Variants in CACNA2D3 observed in about 807,000 individuals in gnomAD.
CACNA2D3 encodes calcium voltage-gated channel auxiliary subunit alpha2delta 3, also known as voltage-dependent calcium channel subunit alpha-2/delta-3.
A neutral mutation model predicts 160.6 loss-of-function variants in CACNA2D3; 60 were observed. The ratio of observed to expected loss-of-function variants is 0.37; its 90% confidence interval spans 0.30 to 0.46. The LOEUF is 0.46. CACNA2D3 is among the 20% of genes least tolerant of loss of function. The pLI, the probability that CACNA2D3 is intolerant of heterozygous loss-of-function variation, is 1.00. For synonymous variants in CACNA2D3, 558 were observed against 492.9 expected, an observed-to-expected ratio of 1.13 and a Z score of -1.75; for missense variants, 1,205 against 1,365.0, an observed-to-expected ratio of 0.88 and a Z score of 1.85.
chr3:54,246,121 G>T (rs1055316603), intron 2 of CACNA2D3, among the ~76,000 whole-genome samples: 8 of 152,212 alleles, frequency 5.3e-5, no homozygotes, highest in African/African-American at 1.9e-4. Context: ...GATTTTGGTT[G>T]TTTTGAAGCT....
chr3:55,032,778 A>C (rs1244323682), intron 35 of CACNA2D3, among the ~76,000 whole-genome samples: 1 of 152,146 alleles, frequency 6.6e-6, no homozygotes, highest in African/African-American at 2.4e-5. Flanking sequence ...GGTGCTCAAT[A>C]GCTGGGAGGT....
intron 9 of CACNA2D3, among the ~76,000 whole-genome samples, chr3:54,624,665 C>T (rs568563565): frequency 6.6e-6 from 1 of 152,248 alleles, no homozygotes; most frequent in African/African-American, 2.4e-5. Flanking sequence ...ACATGTGTGA[C>T]TGAGTGCAAT....
At chr3:55,072,322 AG>A in intron 35 of CACNA2D3, among the ~76,000 whole-genome samples, 1 of 152,306 alleles carries the variant, frequency 6.6e-6, no homozygotes, top group East Asian at 1.9e-4. Context: ...TCTCTCTGAG[AG>A]GCATTCATGG....
intron 2 of CACNA2D3, among the ~76,000 whole-genome samples, chr3:54,148,161 G>C (rs965922721): frequency 4.6e-5 from 7 of 152,176 alleles, no homozygotes; most frequent in African/African-American, 1.7e-4. Context: ...ACATGCCCAC[G>C]GGCTCTTAGC....
chr3:54,659,841 A>G (rs554485574), intron 11 of CACNA2D3, among the ~76,000 whole-genome samples: 4 of 152,238 alleles, frequency 2.6e-5, no homozygotes, highest in African/African-American at 9.6e-5. Context: ...TCTCCCCCAG[A>G]GCTTAGTGCC....
At chr3:54,992,027 A>G (rs972977152) in intron 31 of CACNA2D3, among the ~76,000 whole-genome samples, 3 of 152,136 alleles carry the variant, frequency 2.0e-5, no homozygotes, top group African/African-American at 7.2e-5. Flanking sequence ...CCTTTACAGC[A>G]CAGTGTTGGG....
intron 5 of CACNA2D3, among the ~76,000 whole-genome samples, chr3:54,517,258 A>G (rs1198561131): frequency 6.6e-6 from 1 of 152,134 alleles, no homozygotes; most frequent in African/African-American, 2.4e-5. Context: ...GAGAAGCCCA[A>G]CCCCCAGGCT....
chr3:54,505,325 G>A (rs1468799607), intron 5 of CACNA2D3, among the ~76,000 whole-genome samples: 1 of 152,176 alleles, frequency 6.6e-6, no homozygotes, highest in African/African-American at 2.4e-5. Context: ...GGGGACAGTG[G>A]GAGTGCCAAG....
At chr3:54,712,506 T>A (rs1396144590) in intron 11 of CACNA2D3, among the ~76,000 whole-genome samples, 1 of 152,138 alleles carries the variant, frequency 6.6e-6, no homozygotes, top group African/African-American at 2.4e-5. Flanking sequence ...GATGGTTTTA[T>A]AAGGGGGATT....
intron 23 of CACNA2D3, among the ~76,000 whole-genome samples, chr3:54,886,057 C>G (rs1372724364): frequency 6.6e-6 from 1 of 152,146 alleles, no homozygotes. Flanking sequence ...CAAGCATCCC[C>G]TTCTAGGGGA....
At chr3:54,916,062 G>A (rs1243808972) in intron 27 of CACNA2D3, among the ~76,000 whole-genome samples, 1 of 152,182 alleles carries the variant, frequency 6.6e-6, no homozygotes, top group Non-Finnish European at 1.5e-5. Context: ...GCAGGGCCCA[G>A]TGCACTTGCT....
At chr3:54,347,918 T>C (rs1269673275) in intron 3 of CACNA2D3, among the ~76,000 whole-genome samples, 1 of 152,140 alleles carries the variant, frequency 6.6e-6, no homozygotes, top group Non-Finnish European at 1.5e-5. Flanking sequence ...TCCTAATAAA[T>C]GTTTATTTAA....
chr3:54,905,118 A>G (rs1386247350), intron 27 of CACNA2D3, among the ~76,000 whole-genome samples: 1 of 152,198 alleles, frequency 6.6e-6, no homozygotes, highest in Non-Finnish European at 1.5e-5. Context: ...GGTAGGATTT[A>G]TATATCTTTT....
chr3:54,440,714 C>T (rs1414445760), intron 4 of CACNA2D3, among the ~76,000 whole-genome samples: 4 of 152,116 alleles, frequency 2.6e-5, no homozygotes, highest in Admixed American at 2.6e-4. Flanking sequence ...TCAATTCCCA[C>T]CTATGAGTGA....
At chr3:54,524,495 C>G (rs1028821003) in intron 5 of CACNA2D3, among the ~76,000 whole-genome samples, 10 of 151,880 alleles carry the variant, frequency 6.6e-5, no homozygotes, top group Admixed American at 6.6e-5. Flanking sequence ...GTGTCTGTTG[C>G]GTCTAGGTGG....
intron 4 of CACNA2D3, among the ~76,000 whole-genome samples, chr3:54,458,464 T>TC (rs1700438482): frequency 2.0e-5 from 3 of 150,808 alleles, no homozygotes; most frequent in African/African-American, 7.4e-5. Flanking sequence ...TTTTTTTTTT[T>TC]TCCCTTTTAC....
At chr3:54,328,039 C>G (rs1704155270) in intron 3 of CACNA2D3, among the ~76,000 whole-genome samples, 1 of 152,164 alleles carries the variant, frequency 6.6e-6, no homozygotes, top group South Asian at 2.1e-4. Context: ...ATATGATAAA[C>G]TCTCTTGCAA....
intron 13 of CACNA2D3, among the ~76,000 whole-genome samples, chr3:54,766,961 A>C (rs1451225425): frequency 2.0e-5 from 3 of 151,474 alleles, no homozygotes; most frequent in Non-Finnish European, 2.9e-5. Context: ...AGCAAAAACA[A>C]GAAACAGAAT....
intron 2 of CACNA2D3, among the ~76,000 whole-genome samples, chr3:54,290,508 TCA>T (rs1703161789): frequency 6.6e-6 from 1 of 151,908 alleles, no homozygotes; most frequent in African/African-American, 2.4e-5. Context: ...TGGCGATTCC[TCA>T]GGGATCTAGA....
Sources: gnomAD v4.1 joint callset for allele counts (sites outside exome capture counted in the v4.1 genomes callset) on GRCh38, gnomAD v4.1.1 for gene constraint, MANE v1.5 for transcripts, NCBI Gene and HGNC (gene_info 2026-07-23, HGNC 2026-07-21) for gene names.